Variants in SOX5 observed in about 807,000 individuals in gnomAD.
SOX5 encodes SRY-box transcription factor 5.
In SOX5, 9 loss-of-function variants were observed where a neutral mutation model predicts 92.0. That is an observed-to-expected ratio of 0.10 (90% CI 0.06 to 0.17). The LOEUF is 0.17. SOX5 is among the 10% of genes least tolerant of loss of function. The probability of loss-of-function intolerance (pLI) is 1.00; values close to 1 mark genes in which losing one functional copy is unlikely to be tolerated. For missense variants in SOX5, 642 were observed against 944.5 expected (o/e 0.68, Z 4.20); for synonymous variants, 344 against 336.3 (o/e 1.02, Z -0.25).
intron 4 of SOX5, among the ~76,000 whole-genome samples, chr12:24,079,785 G>A (rs1943101858): frequency 6.6e-6 from 1 of 151,766 alleles, no homozygotes; most frequent in Admixed American, 6.6e-5. Context: ...TGATTGAGCT[G>A]GTCAACTCTT....
At chr12:24,450,465 A>T (rs1183969682) in intron 1 of SOX5, among the ~76,000 whole-genome samples, 2 of 144,758 alleles carry the variant, frequency 1.4e-5, no homozygotes, top group Non-Finnish European at 3.1e-5. Flanking sequence ...TCGAGTGTGT[A>T]TTTATTTTAT....
chr12:23,653,184 C>A lies in SOX5; in HGVS notation c.931+12260G>T, dbSNP rs16926518. Among the ~76,000 whole-genome samples, 1,206 of 152,140 alleles carry A rather than the reference C, an allele frequency of 7.9e-3. 17 individuals are homozygous for A. Among genetic ancestry groups the A allele is most frequent in the African/African-American group, 0.028 (1,150 of 41,524 alleles). On this transcript the variant is annotated intron_variant, in intron 7 of 14. Transcript: ENST00000451604. ...TTTCCCTGAATTGGTCTCATGTCCT[C>A]AAAGTACTACTCACTTGTCACTTCC...
intron 4 of SOX5, among the ~76,000 whole-genome samples, chr12:24,123,564 T>C (rs1285369687): frequency 6.6e-6 from 1 of 152,222 alleles, no homozygotes; most frequent in African/African-American, 2.4e-5. Context: ...GAAATGTGAA[T>C]AATTGGATAA....
intron 4 of SOX5, among the ~76,000 whole-genome samples, chr12:24,003,192 C>T (rs1249555973): frequency 6.6e-6 from 1 of 152,016 alleles, no homozygotes; most frequent in Non-Finnish European, 1.5e-5. Context: ...AATGAAACAG[C>T]TAATATCATA....
intron 6 of SOX5, among the ~76,000 whole-genome samples, chr12:23,707,359 A>G (rs1041720458): frequency 1.3e-5 from 2 of 152,170 alleles, no homozygotes; most frequent in Admixed American, 6.6e-5. Flanking sequence ...AAAGCAAACT[A>G]CAGAAATTCC....
chr12:23,761,555 T>C (rs971844502), intron 3 of SOX5, among the ~76,000 whole-genome samples: 1 of 152,116 alleles, frequency 6.6e-6, no homozygotes, highest in Non-Finnish European at 1.5e-5. Context: ...ACTAAAAAAG[T>C]ACCAATTAGA....
At chr12:24,499,490 G>GCTCGGGAAGGAACCTGGAGCATT in intron 1 of SOX5, among the ~76,000 whole-genome samples, 1 of 152,228 alleles carries the variant, frequency 6.6e-6, no homozygotes, top group Non-Finnish European at 1.5e-5. Flanking sequence ...CCTGGAGCAT[G>GCTCGGGAAGGAACCTGGAGCATT]CTCAGGAAGG....
In SOX5 at chr12:24,034,799, A is replaced by G. The variant is rs554913188; in HGVS notation, c.-1-138775T>C. Among the ~76,000 whole-genome samples the G allele has an allele frequency of 8.5e-5, 13 of 152,160 alleles. No homozygotes were observed. In the East Asian group the frequency reaches 2.5e-3, roughly 29 times the overall value. ...ATAAATTTGTGTGTTTGTGTGTTTTACTATTTGATGGATTAGAAGGAACTG... is the reference window on the plus strand; with the variant it reads ...ATAAATTTGTGTGTTTGTGTGTTTTGCTATTTGATGGATTAGAAGGAACTG... On this transcript the variant is annotated intron_variant, in intron 4 of 4. Coordinates refer to the SOX5 transcript ENST00000446891.
At chr12:24,246,788 C>A (rs901299351) in intron 3 of SOX5, among the ~76,000 whole-genome samples, 1 of 152,114 alleles carries the variant, frequency 6.6e-6, no homozygotes, top group Admixed American at 6.5e-5. Flanking sequence ...GTTGATACTG[C>A]TCTCAATTAT....
chr12:23,652,506 C>G (rs1439843137), intron 7 of SOX5, among the ~76,000 whole-genome samples: 1 of 140,228 alleles, frequency 7.1e-6, no homozygotes, highest in African/African-American at 2.8e-5. Context: ...GTAGCCTAGA[C>G]CTCTTCTACT....
At chr12:24,013,523 A>G (rs1199189102) in intron 4 of SOX5, among the ~76,000 whole-genome samples, 2 of 152,220 alleles carry the variant, frequency 1.3e-5, no homozygotes, top group Non-Finnish European at 2.9e-5. Context: ...CCAAGCTTCA[A>G]AAAGAAGCTC....
intron 6 of SOX5, among the ~76,000 whole-genome samples, chr12:23,693,103 G>A: frequency 9.1e-5 from 1 of 11,014 alleles, no homozygotes; most frequent in Non-Finnish European, 5.0e-4. Context: ...GCATACAGTT[G>A]TATTTTTAAT....
At chr12:24,053,279 C>G (rs770380668) in intron 4 of SOX5, among the ~76,000 whole-genome samples, 2 of 151,658 alleles carry the variant, frequency 1.3e-5, no homozygotes, top group African/African-American at 4.8e-5. Context: ...AGGGGCCCAC[C>G]ACCACACTTG....
At chr12:23,553,692 A>C (rs2136194089) in intron 11 of SOX5, among the ~76,000 whole-genome samples, 1 of 152,228 alleles carries the variant, frequency 6.6e-6, no homozygotes, top group East Asian at 1.9e-4. Flanking sequence ...TAATGTGAGA[A>C]AATCAGGAGG....
chr12:23,765,242 G>A (rs2094683391), intron 3 of SOX5, among the ~76,000 whole-genome samples: 1 of 151,538 alleles, frequency 6.6e-6, no homozygotes, highest in Non-Finnish European at 1.5e-5. Flanking sequence ...CATTCTCAGA[G>A]CAATTTTAGG....
At chr12:24,161,852 AGTGT>A (rs1952793003) in intron 4 of SOX5, among the ~76,000 whole-genome samples, 1 of 152,100 alleles carries the variant, frequency 6.6e-6, no homozygotes, top group African/African-American at 2.4e-5. Context: ...AAAGCCCCAA[AGTGT>A]GTACATACAC....
intron 1 of SOX5, among the ~76,000 whole-genome samples, chr12:24,539,247 T>G (rs541512153): frequency 1.9e-4 from 29 of 152,138 alleles, no homozygotes; most frequent in Non-Finnish European, 3.5e-4. Flanking sequence ...CAAGGATACA[T>G]GCATTCAAGT....
At chr12:24,187,353 T>C (rs1292504704) in intron 4 of SOX5, among the ~76,000 whole-genome samples, 2 of 152,212 alleles carry the variant, frequency 1.3e-5, no homozygotes, top group African/African-American at 2.4e-5. Flanking sequence ...TCTCTTGCTT[T>C]TGATTTTAAA....
intron 2 of SOX5, among the ~76,000 whole-genome samples, chr12:23,892,448 T>C (rs952037908): frequency 3.9e-5 from 6 of 152,188 alleles, no homozygotes; most frequent in African/African-American, 9.7e-5. Flanking sequence ...TGCTAGTCTA[T>C]AGAGATTTTT....
Sources: gnomAD v4.1 joint callset for allele counts (sites outside exome capture counted in the v4.1 genomes callset) on GRCh38, gnomAD v4.1.1 for gene constraint, MANE v1.5 for transcripts, NCBI Gene and HGNC (gene_info 2026-07-23, HGNC 2026-07-21) for gene names.